GRB10: variants seen among roughly 807,000 people sequenced by gnomAD.
GRB10 encodes the protein growth factor receptor-bound protein 10.
A neutral mutation model predicts 80.9 loss-of-function variants in GRB10; 20 were observed. That is an observed-to-expected ratio of 0.25 (90% CI 0.17 to 0.36). The LOEUF is 0.36. GRB10 is among the 10% of genes least tolerant of loss of function. GRB10 has a pLI of 1.00. For missense variants in GRB10, 548 were observed against 747.7 expected (o/e 0.73, Z 3.12); for synonymous variants, 291 against 291.5 (o/e 1.00, Z 0.02).
intron 1 of GRB10, chr7:50,792,669 G>T (rs1306151658): frequency 2.6e-6 from 1 of 390,366 alleles, no homozygotes; most frequent in East Asian, 3.6e-5. Flanking sequence ...TCCTCCGTAC[G>T]AGGCTGGGCC....
At chr7:50,765,658 T>G (rs2076268139) in intron 2 of GRB10, among the ~76,000 whole-genome samples, 1 of 151,914 alleles carries the variant, frequency 6.6e-6, no homozygotes, top group South Asian at 2.1e-4. Context: ...TATGGAGGAT[T>G]AAAAAAAAGT....
chr7:50,663,147 T>C (rs1462529950), intron 7 of GRB10, among the ~76,000 whole-genome samples: 1 of 152,176 alleles, frequency 6.6e-6, no homozygotes, highest in Non-Finnish European at 1.5e-5. Context: ...CAGCACAGCC[T>C]GGGAAGGGCA....
chr7:50,642,387 A>G (rs1352452411), intron 7 of GRB10, among the ~76,000 whole-genome samples: 5 of 152,242 alleles, frequency 3.3e-5, no homozygotes, highest in Admixed American at 1.3e-4. Flanking sequence ...ACCTACATAT[A>G]TGTAAACACG....
intron 5 of GRB10, among the ~76,000 whole-genome samples, chr7:50,683,820 A>C (rs555690185): frequency 2.6e-4 from 39 of 152,232 alleles, no homozygotes; most frequent in Non-Finnish European, 4.1e-4. Context: ...ACAATTAAAA[A>C]TAATAATTAA....
intron 2 of GRB10, among the ~76,000 whole-genome samples, chr7:50,764,318 T>A (rs962418078): frequency 1.3e-5 from 2 of 152,364 alleles, no homozygotes; most frequent in Admixed American, 1.3e-4. Flanking sequence ...TTGCTAGTGC[T>A]GTTCTTCTTC....
At chr7:50,604,217 C>T (rs530488063) in intron 16 of GRB10, 94 bp downstream of exon 16, 52 of 1,318,264 alleles carry the variant, frequency 3.9e-5, no homozygotes, top group Non-Finnish European at 5.2e-5. Flanking sequence ...TGCACTCTGG[C>T]CACAGGCAAA....
chr7:50,725,747 T>A (rs2068542736), intron 4 of GRB10, among the ~76,000 whole-genome samples: 1 of 152,226 alleles, frequency 6.6e-6, no homozygotes, highest in Non-Finnish European at 1.5e-5. Flanking sequence ...GGGATATAGG[T>A]ATCCCTGATT....
intron 5 of GRB10, among the ~76,000 whole-genome samples, chr7:50,686,681 T>A (rs992677506): frequency 6.6e-6 from 1 of 152,196 alleles, no homozygotes; most frequent in Non-Finnish European, 1.5e-5. Flanking sequence ...CCACCATTTT[T>A]TGAGCACCTG....
chr7:50,783,468 AC>A (rs1260908691), upstream of GRB10, among the ~76,000 whole-genome samples: 18 of 41,850 alleles, frequency 4.3e-4, no homozygotes, highest in Non-Finnish European at 2.9e-4. Flanking sequence ...CCACCCACCC[AC>A]TCACATACAT....
At chr7:50,752,305 G>T (rs1331062402) in intron 3 of GRB10, among the ~76,000 whole-genome samples, 1 of 152,082 alleles carries the variant, frequency 6.6e-6, no homozygotes, top group Non-Finnish European at 1.5e-5. Flanking sequence ...AAGTTGAGAG[G>T]ATGTCAAAAA....
intron 18 of GRB10, 150 bp from the exon 19 acceptor site, chr7:50,593,248 A>C (rs2046031447): frequency 2.3e-6 from 2 of 871,370 alleles, no homozygotes; most frequent in South Asian, 2.8e-5. Context: ...CAGGGGCGGG[A>C]AAGACGGGAG....
At chr7:50,710,990 C>T in intron 4 of GRB10, 3 of 1,213,020 alleles carry the variant, frequency 2.5e-6, no homozygotes, top group Non-Finnish European at 3.7e-6. Context: ...ATTTTCAGAA[C>T]CTGGAGAACG....
At chr7:50,673,253 G>A (rs1404748690) in intron 6 of GRB10, among the ~76,000 whole-genome samples, 1 of 152,168 alleles carries the variant, frequency 6.6e-6, no homozygotes, top group African/African-American at 2.4e-5. Context: ...AGAGATGGCT[G>A]TACATCCTCC....
intron 5 of GRB10, among the ~76,000 whole-genome samples, chr7:50,681,578 A>G (rs1025385842): frequency 8.5e-5 from 13 of 152,380 alleles, no homozygotes; most frequent in African/African-American, 3.1e-4. Context: ...GGATTCTTAC[A>G]ACGCAACAAC....
chr7:50,687,900 CTT>C (rs1161250737), intron 5 of GRB10, among the ~76,000 whole-genome samples: 1 of 152,364 alleles, frequency 6.6e-6, no homozygotes, highest in African/African-American at 2.4e-5. Context: ...AGCATAGACA[CTT>C]AGCACTCAAC....
intron 7 of GRB10, among the ~76,000 whole-genome samples, chr7:50,644,721 G>A (rs965775062): frequency 5.9e-5 from 9 of 152,192 alleles, no homozygotes; most frequent in Non-Finnish European, 2.9e-5. Context: ...ACTAGCAAGA[G>A]CGGGACATCA....
chr7:50,674,158 G>T (rs1416159906), intron 6 of GRB10, among the ~76,000 whole-genome samples: 1 of 152,152 alleles, frequency 6.6e-6, no homozygotes, highest in East Asian at 1.9e-4. Context: ...TCCTCTGGTG[G>T]TTTTCCTGCA....
At chr7:50,642,286 A>ACACACACACACGCATG (rs2056394167) in intron 7 of GRB10, among the ~76,000 whole-genome samples, 1 of 151,912 alleles carries the variant, frequency 6.6e-6, no homozygotes, top group Admixed American at 6.6e-5. Flanking sequence ...CTTCACACAC[A>ACACACACACACGCATG]CACACACACA....
At chr7:50,783,437 C>CACACAA (rs1401464262), upstream of GRB10, among the ~76,000 whole-genome samples, 1 of 5,808 alleles carries the variant, frequency 1.7e-4, no homozygotes, top group Non-Finnish European at 3.9e-4. Context: ...ACACACACCT[C>CACACAA]ACACACACAC....
Sources: gnomAD v4.1 joint callset for allele counts (sites outside exome capture counted in the v4.1 genomes callset) on GRCh38, gnomAD v4.1.1 for gene constraint, MANE v1.5 for transcripts, NCBI Gene and HGNC (gene_info 2026-07-23, HGNC 2026-07-21) for gene names.